AXDND1: variants seen among roughly 807,000 people sequenced by gnomAD.
The protein encoded by AXDND1 is axonemal dynein light chain domain-containing protein 1.
AXDND1 carries 110 observed loss-of-function variants against 137.5 expected under a neutral mutation model. The ratio of observed to expected loss-of-function variants is 0.80; its 90% CI spans 0.69 to 0.94. The LOEUF is 0.94. Among genes scored for constraint, AXDND1 ranks in the 40% least tolerant of loss-of-function variants. The pLI is 0.00. For missense variants in AXDND1, 1,191 were observed against 1,169.8 expected, an observed-to-expected ratio of 1.02 and a Z score of -0.26; for synonymous variants, 414 against 399.7, an observed-to-expected ratio of 1.04 and a Z score of -0.43.
intron 25 of AXDND1, chr1:179,543,476 G>C (rs1672354363): frequency 6.6e-6 from 1 of 152,254 alleles, no homozygotes; most frequent in Non-Finnish European, 1.5e-5. Context: ...TCACGGGGCT[G>C]TTTTTCACGT....
intron 12 of AXDND1, among the ~76,000 whole-genome samples, chr1:179,429,024 A>G (rs1309056662): frequency 1.3e-5 from 2 of 152,082 alleles, no homozygotes; most frequent in African/African-American, 4.8e-5. Context: ...AAAAATAAAA[A>G]ACATTAGCCA....
rs771005239 is a variant in AXDND1 at position 179,535,072 on chromosome 1, A to G, written c.3031+110A>G. ...TTAATATATTTGGTGCTAATCTACTAGTTTATACTTCTCATAGGAATGTGC... is the reference window on the plus strand; with the variant it reads ...TTAATATATTTGGTGCTAATCTACTGGTTTATACTTCTCATAGGAATGTGC... On this transcript the variant is annotated intron_variant, in intron 25 of 25. Transcript: ENST00000367618. 2.0e-6 allele frequency: 3 copies of G among 1,486,324 alleles called. No individual in the cohort carries two copies. In the East Asian group the frequency reaches 6.8e-5, roughly 34 times the overall value. The allele number at this position is 1,486,324 out of a possible 1,614,324, so 92.1% of individuals were successfully genotyped here.
chr1:179,390,868 G>A (rs74796612), intron 9 of AXDND1, among the ~76,000 whole-genome samples: 30,681 of 151,824 alleles, frequency 0.2, 3,231 homozygotes, highest in Non-Finnish European at 0.24. Flanking sequence ...GCGCAATGGT[G>A]CAATCTTGGC....
At chr1:179,502,135 G>A (rs1668058350) in intron 20 of AXDND1, among the ~76,000 whole-genome samples, 1 of 151,918 alleles carries the variant, frequency 6.6e-6, no homozygotes, top group Non-Finnish European at 1.5e-5. Flanking sequence ...TAGAAAAATG[G>A]GCAAAAAGCC....
chr1:179,507,023 C>T, intron 20 of AXDND1: 1 of 489,310 alleles, frequency 2.0e-6, no homozygotes, highest in Non-Finnish European at 2.7e-6. Context: ...CTGCTGGTAC[C>T]CTATAAAAGA....
chr1:179,503,946 A>G (rs1439566645), intron 20 of AXDND1, among the ~76,000 whole-genome samples: 4 of 152,192 alleles, frequency 2.6e-5, no homozygotes, highest in Non-Finnish European at 5.9e-5. Flanking sequence ...ATAGCTACTA[A>G]TGTCCTTTAA....
intron 25 of AXDND1, among the ~76,000 whole-genome samples, chr1:179,536,089 T>A (rs1671527135): frequency 1.3e-5 from 2 of 152,234 alleles, no homozygotes; most frequent in South Asian, 4.1e-4. Context: ...TTCTTGTAAA[T>A]TTGTTGAAGT....
intron 24 of AXDND1, 134 bp downstream of exon 24, chr1:179,534,011 A>G: frequency 1.5e-6 from 1 of 667,800 alleles, no homozygotes; most frequent in South Asian, 1.7e-5. Context: ...GTGTATCTCC[A>G]CATGTTCTGC....
chr1:179,544,697 A>G (rs1366005357), intron 25 of AXDND1: 1 of 151,386 alleles, frequency 6.6e-6, no homozygotes, highest in Non-Finnish European at 1.5e-5. Context: ...AAAGAAAAAG[A>G]AAAAAAGAGA....
intron 10 of AXDND1, among the ~76,000 whole-genome samples, chr1:179,394,367 T>C (rs1650687135): frequency 6.6e-6 from 1 of 152,122 alleles, no homozygotes; most frequent in Non-Finnish European, 1.5e-5. Flanking sequence ...GGCGGGAGGA[T>C]CACTTGAGGT....
chr1:179,526,675 A>G (rs1478594764), intron 22 of AXDND1, among the ~76,000 whole-genome samples: 6 of 152,252 alleles, frequency 3.9e-5, no homozygotes, highest in Admixed American at 3.3e-4. Flanking sequence ...GGACAACAGA[A>G]CAAAAATATT....
chr1:179,509,423 G>T lies in AXDND1; in HGVS notation c.2496+20G>T, dbSNP rs753018575. 6.9e-7 allele frequency: 1 copy of T among 1,449,392 alleles called. No individual in the cohort carries two copies. The allele number at this position is 1,449,392 out of a possible 1,614,324, so 89.8% of individuals were successfully genotyped here. ...GAAGAGGTATTTGCCACATGTTAGC[G>T]TTGGTCATTATTCAGATTATTCCTG... On this transcript the variant is annotated intron_variant, in intron 21 of 25. Coordinates refer to ENST00000367618, the MANE Select transcript of AXDND1 (RefSeq NM_144696.6).
At chr1:179,504,565 T>C (rs1442283241) in intron 20 of AXDND1, among the ~76,000 whole-genome samples, 1 of 152,222 alleles carries the variant, frequency 6.6e-6, no homozygotes, top group Non-Finnish European at 1.5e-5. Flanking sequence ...GAGGACACTA[T>C]CATGAGGAGC....
intron 11 of AXDND1, among the ~76,000 whole-genome samples, chr1:179,408,991 C>A (rs1464571710): frequency 1.4e-5 from 1 of 72,244 alleles, no homozygotes; most frequent in Admixed American, 1.5e-4. Flanking sequence ...TTTTTTTTTG[C>A]CAAAAATGAC....
At chr1:179,550,502 ATTTC>A (rs147171656) in intron 25 of AXDND1, 30,770 of 152,198 alleles carry the variant, frequency 0.2, 3,768 homozygotes, top group Non-Finnish European at 0.27. Flanking sequence ...CCTTTTATTT[ATTTC>A]TTTATTTAAA....
chr1:179,467,544 A>G (rs1000066916), intron 16 of AXDND1, among the ~76,000 whole-genome samples: 2 of 152,232 alleles, frequency 1.3e-5, no homozygotes, highest in Non-Finnish European at 2.9e-5. Flanking sequence ...GTTATATGCA[A>G]ATACCACATC....
At chr1:179,539,080 T>G (rs1671843048) in intron 25 of AXDND1, among the ~76,000 whole-genome samples, 1 of 152,222 alleles carries the variant, frequency 6.6e-6, no homozygotes, top group Non-Finnish European at 1.5e-5. Flanking sequence ...AGCCTATGTG[T>G]GTCTTTGCAC....
At chr1:179,495,080 ACCGTCT>A (rs1440555693) in intron 20 of AXDND1, among the ~76,000 whole-genome samples, 2 of 152,092 alleles carry the variant, frequency 1.3e-5, no homozygotes, top group Non-Finnish European at 2.9e-5. Context: ...CAACATTGTC[ACCGTCT>A]CCAAACTGCC....
At chr1:179,552,462 G>C (rs2125770666) in intron 25 of AXDND1, 2 of 711,866 alleles carry the variant, frequency 2.8e-6, no homozygotes, top group South Asian at 3.0e-5. Context: ...CTTTAAGAGA[G>C]CAATTTTAAT....
Sources: allele counts gnomAD v4.1 joint callset (sites outside exome capture counted in the v4.1 genomes callset), GRCh38; gene constraint gnomAD v4.1.1; transcripts MANE v1.5; gene names NCBI Gene and HGNC (gene_info 2026-07-23, HGNC 2026-07-21).